Variants in ADGRB2 observed in about 807,000 individuals in gnomAD.
ADGRB2 encodes brain-specific angiogenesis inhibitor 2.
Under a neutral mutation model 178.7 loss-of-function variants are expected in ADGRB2, and 47 were observed. The ratio of observed to expected loss-of-function variants is 0.26; its 90% confidence interval spans 0.21 to 0.34. The LOEUF (loss-of-function observed/expected upper bound fraction) is 0.34. ADGRB2 is among the 10% of genes least tolerant of loss of function. ADGRB2 has a pLI of 1.00. For missense variants in ADGRB2, 1,584 were observed against 2,180.8 expected (o/e 0.73, Z 5.45); for synonymous variants, 870 against 912.4 (o/e 0.95, Z 0.84).
Position 31,735,309 on chromosome 1 carries a change from G to A in ADGRB2, c.3354-28C>T, listed in dbSNP as rs1039852377. On this transcript the variant is annotated intron_variant, in intron 24 of 32. Coordinates refer to ENST00000373658, the MANE Select transcript of ADGRB2 (RefSeq NM_001364857.2). The surrounding 1 kb of genome is among the most constrained non-coding windows in gnomAD (Gnocchi z 6.0). The stretch of plus-strand genomic sequence containing the variant: ...CGGGGGCGGCACAGACATGGGAGAA[G>A]GAGGGGAAACACATGGGAAGCCGGG... 4 of 1,469,082 alleles carry A rather than the reference G, an allele frequency of 2.7e-6. No individual in the cohort carries two copies. In the African/African-American group the frequency reaches 5.6e-5, roughly 21 times the overall value. The allele number at this position is 1,469,082 out of a possible 1,614,324, so 91.0% of individuals were successfully genotyped here. A position where few individuals can be genotyped will look rare whatever the true frequency, so the allele number is the denominator to read the frequency against.
Position 31,756,820 on chromosome 1 carries a change from G to A in ADGRB2, c.22-5C>T. 6.8e-7 allele frequency: 1 copy of A among 1,460,098 alleles called. No homozygotes were observed. 90.4% of individuals were successfully genotyped at this position (1,460,098 alleles called of 1,614,324 possible). On this transcript the variant is annotated splice_region_variant and splice_polypyrimidine_tract_variant and intron_variant, in intron 3 of 32. Coordinates refer to ENST00000373658, the MANE Select transcript of ADGRB2 (RefSeq NM_001364857.2). This position sits in a 1 kb window ranked among gnomAD's most constrained non-coding sequence, Gnocchi z 8.5. ...GGTCATCCTATGTCCCTTGCCCTGT[G>A]GAGAGAGACAGTGGTCAGCGGGCCC... is the stretch of plus-strand genomic sequence containing the variant.
In ADGRB2 at chr1:31,742,368, G is replaced by A; in HGVS notation, c.1253-151C>T. On this transcript the variant is annotated intron_variant, in intron 7 of 32. Coordinates refer to ENST00000373658, the MANE Select transcript of ADGRB2 (RefSeq NM_001364857.2). Reference sequence around the variant, plus strand: ...GAGTGGGGAGGGGAGGGGGTTATGAGGAAGGCTGGAGTGAGCAGGTGGTGC... The same window carrying A: ...GAGTGGGGAGGGGAGGGGGTTATGAAGAAGGCTGGAGTGAGCAGGTGGTGC... 10 of 1,136,748 alleles carry A rather than the reference G, an allele frequency of 8.8e-6. 1 individual carries two copies. In the South Asian group the frequency reaches 1.6e-4, roughly 19 times the overall value. 70.4% of individuals were successfully genotyped at this position (1,136,748 alleles called of 1,614,324 possible).
rs1487736807 is a variant in ADGRB2 at position 31,764,228 on chromosome 1, C to T, written c.-535G>A. On this transcript the variant is annotated 5_prime_UTR_variant, in exon 1 of 33. Transcript: ENST00000373658. This position sits in a 1 kb window ranked among gnomAD's most constrained non-coding sequence, Gnocchi z 7.3. The stretch of plus-strand genomic sequence containing the variant: ...TGCGGGCGGCGGCCGCAGCCCCGGG[C>T]TCTGAGAGCCGGTGCCGCATCCTCT... 2.5e-5 allele frequency: 5 copies of T among 198,520 alleles called. No individual in the cohort carries two copies. Among genetic ancestry groups the T allele is most frequent in the Non-Finnish European group, 4.4e-5 (5 of 113,866 alleles). The allele number at this position is 198,520 out of a possible 1,614,324, so 12.3% of individuals were successfully genotyped here.
chr1:31,748,632 T>A (rs116449304), intron 4 of ADGRB2, among the ~76,000 whole-genome samples: 1 of 152,138 alleles, frequency 6.6e-6, no homozygotes, highest in Non-Finnish European at 1.5e-5. Context: ...AACTCCTGAG[T>A]GTTCCACCCA....
At position 31,727,173 on chromosome 1, in the gene ADGRB2, A is replaced by C; in HGVS notation, c.*247T>G. 1 of 448,724 alleles carries C rather than the reference A, an allele frequency of 2.2e-6. No individual in the cohort carries two copies. The highest frequency in any genetic ancestry group is 3.9e-6 in the Non-Finnish European group (1 of 257,356). The allele number at this position is 448,724 out of a possible 1,614,324, so 27.8% of individuals were successfully genotyped here. On this transcript the variant is annotated 3_prime_UTR_variant, in exon 33 of 33. Transcript: ENST00000373658. This position sits in a 1 kb window ranked among gnomAD's most constrained non-coding sequence, Gnocchi z 4.4. The stretch of plus-strand genomic sequence containing the variant: ...TCCCCTCCCCCCTCCCCAGCCCGGG[A>C]CAGGGACGGACAGGCTGGGCTGAAG...
chr1:31,741,551 A>T lies in ADGRB2; in HGVS notation c.1688-72T>A. 3 of 1,591,724 alleles carry T rather than the reference A, an allele frequency of 1.9e-6. No homozygotes were observed. The highest frequency in any genetic ancestry group is 2.6e-6 in the Non-Finnish European group (3 of 1,165,302). The stretch of plus-strand genomic sequence containing the variant: ...ACCCACACTCCTCCGTATCTCAGAG[A>T]GGCTGGGGGCGCAGAAGGGGGCAAT... On this transcript the variant is annotated intron_variant, in intron 10 of 32. Transcript: ENST00000373658. The surrounding 1 kb of genome is among the most constrained non-coding windows in gnomAD (Gnocchi z 6.5).
Position 31,741,363 on chromosome 1 carries a change from G to A in ADGRB2, c.1794+10C>T, listed in dbSNP as rs369922582. 3 of 1,591,466 alleles carry A rather than the reference G, an allele frequency of 1.9e-6. No homozygotes were observed. On this transcript the variant is annotated intron_variant, in intron 11 of 32. Transcript: ENST00000373658. The surrounding 1 kb of genome is among the most constrained non-coding windows in gnomAD (Gnocchi z 6.5). Reference sequence around the variant, plus strand: ...TTCTGCTGTGCCCCAGCCCAGCAGGGTGCACTCACTGACAGATACAGGTAG... The same window carrying A: ...TTCTGCTGTGCCCCAGCCCAGCAGGATGCACTCACTGACAGATACAGGTAG...
Position 31,735,676 on chromosome 1 carries a change from A to G in ADGRB2, c.3268-11T>C, listed in dbSNP as rs777973945. On this transcript the variant is annotated splice_polypyrimidine_tract_variant and intron_variant, in intron 23 of 32. Transcript: ENST00000373658. The surrounding 1 kb of genome is among the most constrained non-coding windows in gnomAD (Gnocchi z 6.0). Reference sequence around the variant, plus strand: ...GATGAGCATGTTCACCTGGGGGCCCAGTAGAGTGGAGTGGGGGAGACAGGA... The same window carrying G: ...GATGAGCATGTTCACCTGGGGGCCCGGTAGAGTGGAGTGGGGGAGACAGGA... 6.3e-7 allele frequency: 1 copy of G among 1,587,162 alleles called. No homozygotes were observed. The highest frequency in any genetic ancestry group is 8.6e-7 in the Non-Finnish European group (1 of 1,162,592).
intron 15 of ADGRB2, 30 bp from the exon 16 acceptor site, chr1:31,738,967 G>A (rs773296545): frequency 6.5e-7 from 1 of 1,545,700 alleles, no homozygotes; most frequent in South Asian, 1.2e-5. Flanking sequence ...GTCAGCTCCT[G>A]CCAGCGGGTG....
Position 31,733,732 on chromosome 1 carries a change from G to A in ADGRB2, c.3453-589C>T, listed in dbSNP as rs1486846975. 3.3e-5 allele frequency among the ~76,000 whole-genome samples: 5 copies of A among 152,058 alleles called. No individual in the cohort carries two copies. Among genetic ancestry groups the A allele is most frequent in the Admixed American group, 6.5e-5 (1 of 15,276 alleles). On this transcript the variant is annotated intron_variant, in intron 25 of 32. Transcript: ENST00000373658. This position sits in a 1 kb window ranked among gnomAD's most constrained non-coding sequence, Gnocchi z 4.3. ...CACAGAGAAGACGCCAGGCTCCCAC[G>A]GACTGCTCAGAGCCTTGGGCAGAAG...
intron 21 of ADGRB2, 85 bp downstream of exon 21, chr1:31,736,488 G>C: frequency 6.3e-7 from 1 of 1,596,996 alleles, no homozygotes; most frequent in Non-Finnish European, 8.6e-7. Flanking sequence ...TGCCCAGAGA[G>C]CTGGGCCAGG....
rs1033756376 is a variant in ADGRB2 at position 31,740,206 on chromosome 1, G to T, written c.1990-28C>A. The T allele has an allele frequency of 1.2e-6, 2 of 1,613,574 alleles. No homozygotes were observed. Among genetic ancestry groups the T allele is most frequent in the African/African-American group, 2.7e-5 (2 of 74,908 alleles). ...GAGGAGAGAGCAATGAGTGGCAGGG[G>T]GTCCTAGCCCCAGGGAACAGGGGGC... On this transcript the variant is annotated intron_variant, in intron 12 of 32. Transcript: ENST00000373658. This position sits in a 1 kb window ranked among gnomAD's most constrained non-coding sequence, Gnocchi z 5.9.
In ADGRB2 at chr1:31,735,665, C is replaced by T. The variant is rs1330231619; in HGVS notation, c.3268G>A (p.Val1090Met). 1 of 1,594,922 alleles carries T rather than the reference C, an allele frequency of 6.3e-7. No individual in the cohort carries two copies. The highest frequency in any genetic ancestry group is 8.6e-7 in the Non-Finnish European group (1 of 1,167,420). Reference sequence around the variant, plus strand: ...ACGATGATTCCGATGAGCATGTTCACCTGGGGGCCCAGTAGAGTGGAGTGG... The same window carrying T: ...ACGATGATTCCGATGAGCATGTTCATCTGGGGGCCCAGTAGAGTGGAGTGG... Reference protein sequence around the residue: ...FVGPAAVIVLVNMLIGIIVFN... With the variant: ...FVGPAAVIVLMNMLIGIIVFN... Residue 1090 changes from valine to methionine, a missense_variant and splice_region_variant, in exon 24 of 33, where the codon GTG becomes ATG. Around this residue, in one of 3 missense-constraint regions of ADGRB2, gnomAD observed 865 missense variants for 1,192.8 expected, o/e 0.73. Transcript: ENST00000373658. The surrounding 1 kb of genome is among the most constrained non-coding windows in gnomAD (Gnocchi z 6.0).
chr1:31,739,185 G>T, intron 15 of ADGRB2, 123 bp downstream of exon 15: 1 of 1,109,868 alleles, frequency 9.0e-7, no homozygotes, highest in Non-Finnish European at 1.3e-6. Context: ...CAGGCAAGGG[G>T]TTCCTGAAGG....
In ADGRB2 at chr1:31,727,403, G is replaced by A; in HGVS notation, c.*17C>T. 6.3e-7 allele frequency: 1 copy of A among 1,579,068 alleles called. No individual in the cohort carries two copies. Among genetic ancestry groups the A allele is most frequent in the East Asian group, 2.3e-5 (1 of 42,776 alleles). On this transcript the variant is annotated 3_prime_UTR_variant, in exon 33 of 33. Transcript: ENST00000373658. The surrounding 1 kb of genome is among the most constrained non-coding windows in gnomAD (Gnocchi z 4.4). Reference sequence around the variant, plus strand: ...AGATATATATATTTATATGCAGTGGGCAGTCCAGCGTGGCACTCACACCTC... The same window carrying A: ...AGATATATATATTTATATGCAGTGGACAGTCCAGCGTGGCACTCACACCTC...
intron 4 of ADGRB2, among the ~76,000 whole-genome samples, chr1:31,745,811 C>G (rs1646243170): frequency 6.6e-6 from 1 of 152,248 alleles, no homozygotes; most frequent in South Asian, 2.1e-4. Flanking sequence ...CTGCCCCCTG[C>G]TGCCCAGCCC....
Position 31,744,366 on chromosome 1 carries a change from G to A in ADGRB2, c.923-9C>T, listed in dbSNP as rs554470644. The A allele has an allele frequency of 6.5e-7, 1 of 1,549,778 alleles. No individual in the cohort carries two copies. Among genetic ancestry groups the A allele is most frequent in the Non-Finnish European group, 8.7e-7 (1 of 1,146,710 alleles). ...CTCAGCCGCCGGGTCGCCTACGAGA[G>A]AGGGACAGCGTCGGCGGCAGGGGGC... On this transcript the variant is annotated splice_polypyrimidine_tract_variant and intron_variant, in intron 5 of 32. Coordinates refer to ENST00000373658, the MANE Select transcript of ADGRB2 (RefSeq NM_001364857.2). The surrounding 1 kb of genome is among the most constrained non-coding windows in gnomAD (Gnocchi z 6.7).
Position 31,741,948 on chromosome 1 carries a change from C to A in ADGRB2, c.1437G>T (p.Gly479=). The A allele has an allele frequency of 6.3e-7, 1 of 1,593,882 alleles. No individual in the cohort carries two copies. Among genetic ancestry groups the A allele is most frequent in the Non-Finnish European group, 8.6e-7 (1 of 1,166,382 alleles). Residue 479 remains glycine (G), a synonymous_variant, in exon 9 of 33, where the codon GGG becomes GGT. Transcript: ENST00000373658. The surrounding 1 kb of genome is among the most constrained non-coding windows in gnomAD (Gnocchi z 6.5). ...AGCACAGGCTCCACGCATTCCATGG[C>A]CCCCACTTGCTATCAGTGGCTGTGG... ...LECPATDSKW[G]PWNAWSLCSK... is the part of the protein sequence containing the mutation.
chr1:31,740,103 C>T lies in ADGRB2; in HGVS notation c.2058+7G>A. 1 of 1,614,134 alleles carries T rather than the reference C, an allele frequency of 6.2e-7. No individual in the cohort carries two copies. The highest frequency in any genetic ancestry group is 1.1e-5 in the South Asian group (1 of 91,088). ...CGGGAGGAGAAGCTGGCAGCTGTGC[C>T]CCGCACCTGCTGAGCATCGTCCCAC... On this transcript the variant is annotated splice_region_variant and intron_variant, in intron 13 of 32. Coordinates refer to ENST00000373658, the MANE Select transcript of ADGRB2 (RefSeq NM_001364857.2). The surrounding 1 kb of genome is among the most constrained non-coding windows in gnomAD (Gnocchi z 5.9).
Sources: allele counts gnomAD v4.1 joint callset (sites outside exome capture counted in the v4.1 genomes callset), GRCh38; gene constraint gnomAD v4.1.1; regional missense constraint gnomAD v4.1.1; non-coding constraint Gnocchi (gnomAD v3.1); transcripts MANE v1.5; gene names NCBI Gene and HGNC (gene_info 2026-07-23, HGNC 2026-07-21).